SLC25A3: variants seen among roughly 807,000 people sequenced by gnomAD.
SLC25A3 encodes phosphate transport protein.
Under a neutral mutation model 37.1 loss-of-function variants are expected in SLC25A3, and 14 were observed. That is an observed-to-expected ratio of 0.38 (90% CI 0.25 to 0.59). SLC25A3 has a LOEUF of 0.59. SLC25A3 is among the 20% of genes least tolerant of loss of function. SLC25A3 has a pLI of 0.67. For missense variants in SLC25A3, 385 were observed against 458.1 expected (o/e 0.84, Z 1.46); for synonymous variants, 161 against 168.7 (o/e 0.95, Z 0.36).
At chr12:98,595,260 A>C (rs2153283297) in intron 2 of SLC25A3, 1 of 648,572 alleles carries the variant, frequency 1.5e-6, no homozygotes, top group East Asian at 2.7e-5. Flanking sequence ...AACCCTCATA[A>C]TTTTTAAATG....
Position 98,599,997 on chromosome 12 carries a change from A to G in SLC25A3, c.684A>G (p.Pro228=), listed in dbSNP as rs746930101. 1.2e-5 allele frequency: 19 copies of G among 1,613,912 alleles called. No homozygotes were observed. Among genetic ancestry groups the G allele is most frequent in the Non-Finnish European group, 1.5e-5 (18 of 1,179,772 alleles). ...GVAPLWMRQI[P]YTMMKFACFE... is the part of the protein sequence containing the mutation. ...CTCCTCTCTGGATGAGACAGATACC[A>G]TACACCATGATGAAGTTCGCCTGCT... The change falls in exon 6 of 8, where the codon CCA becomes CCG. Residue 228 remains proline, a synonymous_variant. Coordinates refer to ENST00000552981, the MANE Select transcript of SLC25A3 (RefSeq NM_002635.4).
intron 3 of SLC25A3, 136 bp downstream of exon 3, chr12:98,595,984 G>T (rs1193361893): frequency 2.4e-6 from 2 of 825,242 alleles, no homozygotes; most frequent in African/African-American, 1.7e-5. Flanking sequence ...TTTAAATTGT[G>T]GGCTTTATTT....
chr12:98,601,159 A>T lies in SLC25A3; in HGVS notation c.815-12A>T. On this transcript the variant is annotated splice_polypyrimidine_tract_variant and intron_variant, in intron 6 of 7. Coordinates refer to ENST00000552981, the MANE Select transcript of SLC25A3 (RefSeq NM_002635.4). ...TAACTGGCACTGTATGGGATCCTTT[A>T]TCTTTTTTCAGCTGGAGTCTTTTGT... 6.2e-7 allele frequency: 1 copy of T among 1,611,662 alleles called. No homozygotes were observed. The highest frequency in any genetic ancestry group is 8.5e-7 in the Non-Finnish European group (1 of 1,179,286).
In SLC25A3 at chr12:98,597,938, G is replaced by A. The variant is rs754361399; in HGVS notation, c.362G>A (p.Gly121Glu). 1 of 1,614,178 alleles carries A rather than the reference G, an allele frequency of 6.2e-7. No homozygotes were observed. Among genetic ancestry groups the A allele is most frequent in the East Asian group, 2.2e-5 (1 of 44,878 alleles). ...KEDGVRGLAK[G>E]WAPTFLGYSM... ...GATGGTGTTCGTGGTTTGGCTAAAGGATGGGCTCCGACTTTCCTTGGCTAC... is the reference window on the plus strand; with the variant it reads ...GATGGTGTTCGTGGTTTGGCTAAAGAATGGGCTCCGACTTTCCTTGGCTAC... Residue 121 changes from glycine to glutamate, a missense_variant, in exon 4 of 8, where the codon GGA becomes GAA. Physicochemically the swap from Gly to Glu is moderately conservative, Grantham distance 98. Transcript: ENST00000552981.
rs756100831 is a variant in SLC25A3, at chr12:98,601,398, T to C, written c.956T>C (p.Ile319Thr). 6.2e-7 allele frequency: 1 copy of C among 1,614,074 alleles called. No individual in the cohort carries two copies. Among genetic ancestry groups the C allele is most frequent in the Admixed American group, 1.7e-5 (1 of 60,016 alleles). The change falls in exon 8 of 8, where the codon ATC (isoleucine) becomes ACC (threonine). Residue 319 changes from isoleucine (I) to threonine (T), a missense_variant. Physicochemically the swap from Ile to Thr is moderately conservative, Grantham distance 89 (BLOSUM62 -1). Transcript: ENST00000552981. The stretch of plus-strand genomic sequence containing the variant: ...TGGAAGGGACTGTTTGCCCGTATCA[T>C]CATGATTGGTACCCTGACTGCACTA... ...GVWKGLFARI[I>T]MIGTLTALQW...
At chr12:98,598,403 A>G in intron 4 of SLC25A3, 119 bp from the exon 5 acceptor site, 2 of 1,489,960 alleles carry the variant, frequency 1.3e-6, no homozygotes, top group Non-Finnish European at 1.8e-6. Context: ...TATATATTCC[A>G]TATCATCGTG....
At chr12:98,599,253 A>T (rs1363941554) in intron 5 of SLC25A3, among the ~76,000 whole-genome samples, 2 of 151,640 alleles carry the variant, frequency 1.3e-5, no homozygotes. Context: ...TAGAGACTCC[A>T]TGTTGGTCAG....
chr12:98,599,272 C>G (rs1166622416), intron 5 of SLC25A3, among the ~76,000 whole-genome samples: 1 of 152,026 alleles, frequency 6.6e-6, no homozygotes, highest in East Asian at 1.9e-4. Context: ...AGGCTGGTCT[C>G]GAACTCCTGA....
rs1181859922 is a variant in SLC25A3, at chr12:98,602,442, G to T, written c.*914G>T. On this transcript the variant is annotated 3_prime_UTR_variant, in exon 8 of 8. Coordinates refer to ENST00000552981, the MANE Select transcript of SLC25A3 (RefSeq NM_002635.4). Reference sequence around the variant, plus strand: ...GCCTCCCAAACTGCTGGGATTATAGGCATGAGCCACCGTGCCCGGCTCTGA... The same window carrying T: ...GCCTCCCAAACTGCTGGGATTATAGTCATGAGCCACCGTGCCCGGCTCTGA... 2.0e-5 allele frequency: 3 copies of T among 152,212 alleles called. No homozygotes were observed. The allele number at this position is 152,212 out of a possible 1,614,324, so 9.4% of individuals were successfully genotyped here. A position where few individuals can be genotyped will look rare whatever the true frequency, so the allele number is the denominator to read the frequency against.
chr12:98,599,649 GATCCACCTTTGTGGATGA>G, intron 5 of SLC25A3: 1 of 570,050 alleles, frequency 1.8e-6, no homozygotes, highest in Non-Finnish European at 3.4e-6. Flanking sequence ...TGCTTCCTTA[GATCCACCTTTGTGGATGA>G]ATCTTGAACT....
rs2097592524 is a variant in SLC25A3, at chr12:98,595,764, A to G, written c.195A>G (p.Ala65=). The change falls in exon 3 of 8, where the codon GCA becomes GCG. Residue 65 remains alanine, a synonymous_variant. Transcript: ENST00000552981. ...SCEFGSAKYY[A]LCGFGGVLSC... Reference sequence around the variant, plus strand: ...AATTTGGCTCCGCGAAGTATTATGCACTGTGTGGCTTTGGTGGGGTCTTAA... The same window carrying G: ...AATTTGGCTCCGCGAAGTATTATGCGCTGTGTGGCTTTGGTGGGGTCTTAA... The G allele has an allele frequency of 2.5e-6, 4 of 1,614,164 alleles. No homozygotes were observed. The highest frequency in any genetic ancestry group is 2.7e-5 in the African/African-American group (2 of 75,036).
intron 3 of SLC25A3, 110 bp from the exon 4 acceptor site, chr12:98,597,746 G>C: frequency 6.8e-7 from 1 of 1,471,890 alleles, no homozygotes; most frequent in Non-Finnish European, 9.2e-7. Flanking sequence ...GTTACCTTTT[G>C]TGTAGTTGCT....
At chr12:98,595,893 TAACTC>T (rs780780634) in intron 3 of SLC25A3, 45 bp downstream of exon 3, 22 of 1,523,480 alleles carry the variant, frequency 1.4e-5, no homozygotes, top group Middle Eastern at 1.7e-4. Context: ...TCATGTGACT[TAACTC>T]TAAATAAAAT....
At chr12:98,598,404 T>C (rs2097594837) in intron 4 of SLC25A3, 118 bp from the exon 5 acceptor site, 2 of 1,498,144 alleles carry the variant, frequency 1.3e-6, no homozygotes, top group Admixed American at 1.9e-5. Flanking sequence ...ATATATTCCA[T>C]ATCATCGTGT....
intron 6 of SLC25A3, 110 bp downstream of exon 6, chr12:98,600,237 T>C (rs2097596659): frequency 9.6e-6 from 8 of 837,328 alleles, no homozygotes. Context: ...AGCAGTGTTT[T>C]TGTTTTTTTG....
intron 4 of SLC25A3, 111 bp from the exon 5 acceptor site, chr12:98,598,411 G>A (rs2097594845): frequency 3.3e-6 from 5 of 1,537,278 alleles, no homozygotes; most frequent in South Asian, 1.2e-5. Context: ...CCATATCATC[G>A]TGTGTTACTT....
chr12:98,594,884 T>C lies in SLC25A3; in HGVS notation c.157+749T>C, dbSNP rs370556514. 27 of 181,390 alleles carry C rather than the reference T, an allele frequency of 1.5e-4. 1 individual carries two copies. In the East Asian group the frequency reaches 2.7e-3, roughly 18 times the overall value. 11.2% of individuals were successfully genotyped at this position (181,390 alleles called of 1,614,324 possible). ...TTTTTTCTTTAAATCATTCATGTGC[T>C]TCTGTTGTCTTTAGTATGGATAGAG... is the stretch of plus-strand genomic sequence containing the variant. On this transcript the variant is annotated intron_variant, in intron 2 of 7. Coordinates refer to ENST00000552981, the MANE Select transcript of SLC25A3 (RefSeq NM_002635.4).
At chr12:98,598,235 A>G in intron 4 of SLC25A3, 200 bp downstream of exon 4, 1 of 678,090 alleles carries the variant, frequency 1.5e-6, no homozygotes, top group Non-Finnish European at 2.5e-6. Flanking sequence ...TCCTTTTAAT[A>G]TACTATCTTG....
chr12:98,599,092 G>T (rs535802359), intron 5 of SLC25A3, among the ~76,000 whole-genome samples: 1 of 138,768 alleles, frequency 7.2e-6, no homozygotes, highest in African/African-American at 2.7e-5. Flanking sequence ...ACGGAGTTTT[G>T]CTCTTGTTGT....
Sources: allele counts gnomAD v4.1 joint callset (sites outside exome capture counted in the v4.1 genomes callset), GRCh38; gene constraint gnomAD v4.1.1; transcripts MANE v1.5; gene names NCBI Gene and HGNC (gene_info 2026-07-23, HGNC 2026-07-21).